Variants in RIMS2 observed in about 807,000 individuals in gnomAD.
The protein encoded by RIMS2 is regulating synaptic membrane exocytosis 2.
RIMS2 carries 59 observed loss-of-function variants against 174.4 expected under a neutral mutation model. The observed-to-expected ratio is 0.34, with a 90% CI of 0.27 to 0.42. The LOEUF is 0.42. RIMS2 is among the 10% of genes least tolerant of loss of function. The pLI is 1.00. For synonymous variants in RIMS2, 606 were observed against 572.5 expected (o/e 1.06, Z -0.84); for missense variants, 1,620 against 1,666.3 (o/e 0.97, Z 0.48).
At chr8:103,567,272 A>G (rs2092436156) in intron 1 of RIMS2, among the ~76,000 whole-genome samples, 1 of 152,084 alleles carries the variant, frequency 6.6e-6, no homozygotes, top group Non-Finnish European at 1.5e-5. Context: ...GAATATTTTC[A>G]TCACCCCAAA....
intron 1 of RIMS2, among the ~76,000 whole-genome samples, chr8:103,654,692 T>C (rs1206992156): frequency 6.6e-6 from 1 of 151,954 alleles, no homozygotes; most frequent in Non-Finnish European, 1.5e-5. Flanking sequence ...TAAGGCTTCT[T>C]CTTTCTGGCT....
chr8:103,611,976 T>G (rs1417469858), intron 1 of RIMS2, among the ~76,000 whole-genome samples: 1 of 151,444 alleles, frequency 6.6e-6, no homozygotes. Context: ...TTATTTTTTT[T>G]CTCTTTTGTC....
At chr8:103,860,343 T>G (rs1281830535) in intron 3 of RIMS2, among the ~76,000 whole-genome samples, 1 of 152,142 alleles carries the variant, frequency 6.6e-6, no homozygotes, top group Non-Finnish European at 1.5e-5. Flanking sequence ...ACTTTTCTTA[T>G]TTGTACAAAT....
At chr8:104,250,973 T>C (rs376634238) in intron 22 of RIMS2, 51 bp from the exon 29 acceptor site, 11 of 1,552,498 alleles carry the variant, frequency 7.1e-6, no homozygotes, top group Non-Finnish European at 9.7e-6. Flanking sequence ...GCGTCGGCCA[T>C]TTCATGTCCA....
chr8:104,208,575 AAG>A (rs1467953823), intron 19 of RIMS2, among the ~76,000 whole-genome samples: 2 of 99,058 alleles, frequency 2.0e-5, no homozygotes, highest in Non-Finnish European at 4.5e-5. Flanking sequence ...CTCAAAAAAA[AAG>A]AAAAAAAAAA....
At chr8:103,786,107 G>A (rs535980898) in intron 3 of RIMS2, among the ~76,000 whole-genome samples, 15 of 152,030 alleles carry the variant, frequency 9.9e-5, no homozygotes, top group South Asian at 4.2e-4. Flanking sequence ...CTGTGGGATT[G>A]GTGGTGATAT....
chr8:103,714,151 A>G (rs1452481711), intron 2 of RIMS2, among the ~76,000 whole-genome samples: 1 of 152,090 alleles, frequency 6.6e-6, no homozygotes, highest in Non-Finnish European at 1.5e-5. Flanking sequence ...ATTCCCCTTG[A>G]CTGCTGTAGG....
intron 14 of RIMS2, among the ~76,000 whole-genome samples, chr8:103,954,646 A>C (rs984377656): frequency 3.9e-5 from 6 of 152,236 alleles, no homozygotes; most frequent in Non-Finnish European, 7.3e-5. Context: ...CACAAGAGAA[A>C]GCAGGAAAGA....
At chr8:104,230,017 C>T (rs559103738) in intron 19 of RIMS2, among the ~76,000 whole-genome samples, 22 of 152,246 alleles carry the variant, frequency 1.4e-4, no homozygotes, top group South Asian at 8.3e-4. Context: ...TGCTGGCTCA[C>T]ACCTGTAATC....
At chr8:103,590,642 C>G (rs117023814) in intron 1 of RIMS2, among the ~76,000 whole-genome samples, 533 of 151,294 alleles carry the variant, frequency 3.5e-3, no homozygotes, top group Middle Eastern at 0.014. Flanking sequence ...ATTCATGAAT[C>G]TATCGTATAT....
chr8:103,619,531 T>A (rs796342326), intron 1 of RIMS2, among the ~76,000 whole-genome samples: 8 of 151,976 alleles, frequency 5.3e-5, no homozygotes, highest in African/African-American at 1.9e-4. Flanking sequence ...AATCAAACTT[T>A]TAAGCAGCAG....
At chr8:103,790,764 G>A (rs1031524487) in intron 3 of RIMS2, among the ~76,000 whole-genome samples, 4 of 151,994 alleles carry the variant, frequency 2.6e-5, no homozygotes, top group Non-Finnish European at 4.4e-5. Flanking sequence ...ATATTTAAAA[G>A]GCCCTTTCTT....
chr8:103,827,275 G>A (rs1422344912), intron 3 of RIMS2, among the ~76,000 whole-genome samples: 1 of 152,090 alleles, frequency 6.6e-6, no homozygotes, highest in Admixed American at 6.5e-5. Flanking sequence ...GTTGTTTGCT[G>A]CTAGTATATT....
At chr8:103,877,533 T>C (rs943319555) in intron 3 of RIMS2, among the ~76,000 whole-genome samples, 2 of 151,772 alleles carry the variant, frequency 1.3e-5, no homozygotes, top group Admixed American at 1.3e-4. Flanking sequence ...GTATGTTTTG[T>C]TGGTTATAGG....
intron 1 of RIMS2, among the ~76,000 whole-genome samples, chr8:103,516,013 A>G (rs1828782645): frequency 6.6e-6 from 1 of 152,116 alleles, no homozygotes; most frequent in Non-Finnish European, 1.5e-5. Context: ...ACTTACTAAT[A>G]TCATTGAAAG....
chr8:103,541,981 C>T (rs892535004), intron 1 of RIMS2, among the ~76,000 whole-genome samples: 2 of 151,784 alleles, frequency 1.3e-5, no homozygotes, highest in Admixed American at 6.6e-5. Flanking sequence ...CACACCACTA[C>T]AGAAAATAAT....
chr8:103,840,674 A>G (rs2098934152), intron 3 of RIMS2, among the ~76,000 whole-genome samples: 1 of 152,044 alleles, frequency 6.6e-6, no homozygotes, highest in Non-Finnish European at 1.5e-5. Flanking sequence ...TATATACTAT[A>G]TACGATATAC....
intron 3 of RIMS2, among the ~76,000 whole-genome samples, chr8:103,851,153 A>C (rs1383558561): frequency 1.3e-5 from 2 of 152,014 alleles, no homozygotes; most frequent in Non-Finnish European, 2.9e-5. Flanking sequence ...TCATGAAGTA[A>C]CATGGAAGAT....
chr8:103,982,597 T>C (rs1193882335), intron 16 of RIMS2, among the ~76,000 whole-genome samples: 6 of 151,806 alleles, frequency 4.0e-5, no homozygotes, highest in African/African-American at 1.5e-4. Flanking sequence ...TGATTCAACA[T>C]ATACAAACCA....
Sources: allele counts gnomAD v4.1 joint callset (sites outside exome capture counted in the v4.1 genomes callset), GRCh38; gene constraint gnomAD v4.1.1; transcripts MANE v1.5; gene names NCBI Gene and HGNC (gene_info 2026-07-23, HGNC 2026-07-21).